The following PARP11 variants were observed in gnomAD, a reference collection of about 807,000 sequenced individuals.
The protein encoded by PARP11 is poly(ADP-ribose) polymerase family member 11.
Under a neutral mutation model 42.9 loss-of-function variants are expected in PARP11, and 31 were observed. The observed-to-expected ratio is 0.72, with a 90% confidence interval of 0.54 to 0.98. The LOEUF is 0.98. Ranked by LOEUF, PARP11 falls within the 50% of genes least tolerant of loss-of-function variation. The pLI, the probability that PARP11 is intolerant of heterozygous loss-of-function variation, is 0.00. For missense variants in PARP11, 365 were observed against 413.1 expected (o/e 0.88, Z 1.01); for synonymous variants, 137 against 127.3 (o/e 1.08, Z -0.51).
At chr12:3,820,834 G>A (rs1390529520) in intron 6 of PARP11, among the ~76,000 whole-genome samples, 3 of 152,098 alleles carry the variant, frequency 2.0e-5, no homozygotes, top group South Asian at 2.1e-4. Flanking sequence ...ATAGACCCAA[G>A]ACTATAAAGA....
intron 1 of PARP11, among the ~76,000 whole-genome samples, chr12:3,845,473 T>C (rs7973571): frequency 0.29 from 44,699 of 152,128 alleles, 7,424 homozygotes; most frequent in East Asian, 0.56. Context: ...ATAAAGTTCC[T>C]TTCTAACCAT....
intron 1 of PARP11, chr12:3,839,880 A>C (rs1040720555): frequency 9.4e-7 from 1 of 1,061,500 alleles, no homozygotes; most frequent in African/African-American, 1.6e-5. Flanking sequence ...CGTTGGAAGT[A>C]GCTGATGAAG....
At chr12:3,864,087 G>A (rs1012664771) in intron 1 of PARP11, 4 of 152,172 alleles carry the variant, frequency 2.6e-5, no homozygotes, top group Non-Finnish European at 5.9e-5. Flanking sequence ...TCCACATACC[G>A]TCCATCAGGT....
chr12:3,835,284 G>C (rs143123996), intron 1 of PARP11, among the ~76,000 whole-genome samples: 1 of 152,164 alleles, frequency 6.6e-6, no homozygotes, highest in Non-Finnish European at 1.5e-5. Context: ...AAGTAGTCAG[G>C]TTAAGAGGGG....
intron 1 of PARP11, chr12:3,841,440 G>T: frequency 7.4e-7 from 1 of 1,349,918 alleles, no homozygotes. Flanking sequence ...CTGCCGCCCA[G>T]AATTAAAGTG....
At chr12:3,827,169 C>A (rs1947544817) in intron 3 of PARP11, among the ~76,000 whole-genome samples, 1 of 152,114 alleles carries the variant, frequency 6.6e-6, no homozygotes, top group Admixed American at 6.5e-5. Flanking sequence ...ATAGAGAAAA[C>A]CTGAGTTGGC....
At chr12:3,815,941 T>C (rs1216838415) in intron 6 of PARP11, among the ~76,000 whole-genome samples, 2 of 152,238 alleles carry the variant, frequency 1.3e-5, no homozygotes, top group African/African-American at 2.4e-5. Flanking sequence ...GTGACAGAGA[T>C]GAAAACGCAT....
At chr12:3,820,733 C>T (rs1947375168) in intron 6 of PARP11, among the ~76,000 whole-genome samples, 1 of 152,170 alleles carries the variant, frequency 6.6e-6, no homozygotes, top group African/African-American at 2.4e-5. Flanking sequence ...CTGTCTTCCT[C>T]TATAAAAGAA....
intron 1 of PARP11, among the ~76,000 whole-genome samples, chr12:3,842,925 T>G (rs1947923370): frequency 6.6e-6 from 1 of 152,228 alleles, no homozygotes; most frequent in African/African-American, 2.4e-5. Context: ...TTTGACACAC[T>G]ATAGATTCCA....
chr12:3,871,804 A>G (rs1948484989), intron 1 of PARP11: 1 of 152,190 alleles, frequency 6.6e-6, no homozygotes, highest in South Asian at 2.1e-4. Flanking sequence ...GAAGTATGAC[A>G]CTTTGGCATG....
At chr12:3,862,235 T>C (rs774471517) in intron 1 of PARP11, among the ~76,000 whole-genome samples, 1 of 152,084 alleles carries the variant, frequency 6.6e-6, no homozygotes, top group Non-Finnish European at 1.5e-5. Context: ...ACTAGATCAC[T>C]TGAAGTCAGT....
intron 1 of PARP11, among the ~76,000 whole-genome samples, chr12:3,842,708 C>T (rs915859976): frequency 1.3e-5 from 2 of 152,114 alleles, no homozygotes; most frequent in African/African-American, 4.8e-5. Context: ...CTGGCATTGC[C>T]GGTTTTCTTC....
chr12:3,837,092 CTCAA>C (rs1403130759), intron 1 of PARP11, among the ~76,000 whole-genome samples: 3 of 152,300 alleles, frequency 2.0e-5, no homozygotes, highest in African/African-American at 4.8e-5. Context: ...TGCTCTGTAA[CTCAA>C]TCAAAGGAGA....
At position 3,828,956 on chromosome 12, in the gene PARP11, G is replaced by C. The variant is rs764880317; in HGVS notation, c.222C>G (p.Ser74=). Residue 74 remains serine, a synonymous_variant, in exon 3 of 8, where the codon TCC becomes TCG. Coordinates refer to ENST00000228820, the MANE Select transcript of PARP11 (RefSeq NM_020367.6). Reference sequence around the variant, plus strand: ...TGAATTTGGAAGTAGTAAAAGAAATGGAGCCACAAGGGTTTGTTTTGAAGC... The same window carrying C: ...TGAATTTGGAAGTAGTAAAAGAAATCGAGCCACAAGGGTTTGTTTTGAAGC... ...EKSFKTNPCG[S]ISFTTSKFSY... 1 of 1,613,932 alleles carries C rather than the reference G, an allele frequency of 6.2e-7. No homozygotes were observed. Among genetic ancestry groups the C allele is most frequent in the South Asian group, 1.1e-5 (1 of 91,074 alleles).
intron 1 of PARP11, among the ~76,000 whole-genome samples, chr12:3,867,907 ATCT>A (rs1397843713): frequency 2.6e-5 from 4 of 152,188 alleles, no homozygotes; most frequent in African/African-American, 9.6e-5. Flanking sequence ...TCAGGGAGAA[ATCT>A]TCCGATAATT....
intron 1 of PARP11, among the ~76,000 whole-genome samples, chr12:3,856,528 C>A (rs915588474): frequency 6.6e-6 from 1 of 152,208 alleles, no homozygotes; most frequent in Non-Finnish European, 1.5e-5. Flanking sequence ...AAATGCTCAT[C>A]ATCACTGGTC....
At chr12:3,814,245 T>G in intron 6 of PARP11, 57 bp from the exon 7 acceptor site, 1 of 1,365,594 alleles carries the variant, frequency 7.3e-7, no homozygotes, top group South Asian at 1.8e-5. Flanking sequence ...ATAAGTAGCA[T>G]TTATTAATCT....
chr12:3,839,117 C>T (rs1947830576), intron 1 of PARP11, among the ~76,000 whole-genome samples: 1 of 151,280 alleles, frequency 6.6e-6, no homozygotes, highest in African/African-American at 2.4e-5. Flanking sequence ...GGCAGGGCTC[C>T]CCTACGCGCC....
intron 3 of PARP11, among the ~76,000 whole-genome samples, chr12:3,828,458 G>C (rs1313624024): frequency 6.7e-6 from 1 of 148,810 alleles, no homozygotes. Flanking sequence ...CTGAGGCAGA[G>C]AATTGCTTGA....
Sources: allele counts gnomAD v4.1 joint callset (sites outside exome capture counted in the v4.1 genomes callset), GRCh38; gene constraint gnomAD v4.1.1; transcripts MANE v1.5; gene names NCBI Gene and HGNC (gene_info 2026-07-23, HGNC 2026-07-21).